The following KIF20B variants were observed in gnomAD, a reference collection of about 807,000 sequenced individuals.
KIF20B encodes the protein kinesin-like protein KIF20B.
KIF20B carries 188 observed loss-of-function variants against 232.5 expected under a neutral mutation model. That is an observed-to-expected ratio of 0.81 (90% CI 0.72 to 0.91). The LOEUF is 0.91. Among genes scored for constraint, KIF20B ranks in the 40% least tolerant of loss-of-function variants. The pLI, the probability that KIF20B is intolerant of heterozygous loss-of-function variation, is 0.00. For missense variants in KIF20B, 2,154 were observed against 2,055.9 expected (o/e 1.05, Z -0.92); for synonymous variants, 712 against 683.0 (o/e 1.04, Z -0.66).
At chr10:89,746,769 G>A (rs945308936) in intron 23 of KIF20B, among the ~76,000 whole-genome samples, 17 of 152,208 alleles carry the variant, frequency 1.1e-4, no homozygotes, top group African/African-American at 3.9e-4. Context: ...TACAAAACAG[G>A]TAGTTGCAAT....
At chr10:89,772,863 G>T in intron 32 of KIF20B, 32 bp downstream of exon 32, 1 of 1,552,556 alleles carries the variant, frequency 6.4e-7, no homozygotes, top group Non-Finnish European at 8.7e-7. Context: ...CATCAATGTA[G>T]AACTGTTCGT....
chr10:89,739,055 C>T lies in KIF20B; in HGVS notation c.3874C>T (p.Leu1292=), dbSNP rs560414206. ...AGATTATGCTGACCTGAAAGAGAAA[C>T]TGACTGATGCCAAAAAGCAGATTAA... ...EEDYADLKEK[L]TDAKKQIKQV... is the part of the protein sequence containing the mutation. Residue 1292 remains leucine, a synonymous_variant, in exon 21 of 33, where the codon CTG becomes TTG. Coordinates refer to ENST00000371728, the MANE Select transcript of KIF20B (RefSeq NM_001284259.2). 1 of 1,613,244 alleles carries T rather than the reference C, an allele frequency of 6.2e-7. No homozygotes were observed. Among genetic ancestry groups the T allele is most frequent in the East Asian group, 2.2e-5 (1 of 44,780 alleles).
chr10:89,762,831 A>T lies in KIF20B; in HGVS notation c.4985A>T (p.Glu1662Val). 6.3e-7 allele frequency: 1 copy of T among 1,599,690 alleles called. No homozygotes were observed. The highest frequency in any genetic ancestry group is 8.6e-7 in the Non-Finnish European group (1 of 1,167,302). ...KARKRKSNEM[E>V]EDLVKCENKK... ...CGGAAGAGGAAGAGTAATGAAATGG[A>T]GGAGGTAAATACTTAAGTGATGAGT... is the stretch of plus-strand genomic sequence containing the variant. Residue 1662 changes from glutamate (E) to valine (V), a missense_variant, in exon 29 of 33, where the codon GAG becomes GTG. Glu to Val is a moderately radical substitution (Grantham distance 121, BLOSUM62 -2). Transcript: ENST00000371728.
Position 89,752,590 on chromosome 10 carries a change from T to A in KIF20B, c.4246T>A (p.Cys1416Ser). The change falls in exon 25 of 33, where the codon TGC (cysteine) becomes AGC (serine). Residue 1416 changes from cysteine (C) to serine (S), a missense_variant. Transcript: ENST00000371728. ...AGAATTGGAAAAATGGAAGGAAAAA[T>A]GCAATGATTTGGAAACCAAAAACAA... ...ATELEKWKEK[C>S]NDLETKNNQR... 2 of 1,602,828 alleles carry A rather than the reference T, an allele frequency of 1.2e-6. No homozygotes were observed. The highest frequency in any genetic ancestry group is 2.2e-5 in the South Asian group (2 of 89,272).
At chr10:89,727,270 T>A (rs1035976023) in intron 16 of KIF20B, among the ~76,000 whole-genome samples, 274 of 150,834 alleles carry the variant, frequency 1.8e-3, no homozygotes, top group East Asian at 9.8e-4. Flanking sequence ...CTTTTTTTTT[T>A]AAAGACAGGG....
In KIF20B at chr10:89,774,106, C is replaced by A; in HGVS notation, c.*58C>A. 1 of 1,044,906 alleles carries A rather than the reference C, an allele frequency of 9.6e-7. No individual in the cohort carries two copies. Among genetic ancestry groups the A allele is most frequent in the Non-Finnish European group, 1.4e-6 (1 of 705,094 alleles). The allele number at this position is 1,044,906 out of a possible 1,614,324, so 64.7% of individuals were successfully genotyped here. A position where few individuals can be genotyped will look rare whatever the true frequency, so the allele number is the denominator to read the frequency against. ...TAGTCATAGTCATTGGAACTTGCAT[C>A]CTGTATTGTAAATATAAATGTATAT... On this transcript the variant is annotated 3_prime_UTR_variant, in exon 33 of 33. Transcript: ENST00000371728.
chr10:89,742,953 C>T (rs1364645110), intron 21 of KIF20B, among the ~76,000 whole-genome samples: 5 of 151,724 alleles, frequency 3.3e-5, no homozygotes, highest in East Asian at 1.9e-4. Context: ...CACTTGCCTC[C>T]GCCTCCCAGA....
chr10:89,761,250 CAAG>C (rs1420795758), intron 28 of KIF20B, among the ~76,000 whole-genome samples: 1 of 152,004 alleles, frequency 6.6e-6, no homozygotes, highest in African/African-American at 2.4e-5. Context: ...TTGTCATCCT[CAAG>C]GAGTGAAGAA....
At chr10:89,746,315 C>T (rs1034110955) in intron 23 of KIF20B, among the ~76,000 whole-genome samples, 2 of 152,184 alleles carry the variant, frequency 1.3e-5, no homozygotes, top group Non-Finnish European at 2.9e-5. Context: ...TCGGATCACA[C>T]ATGGGCGTGT....
intron 21 of KIF20B, among the ~76,000 whole-genome samples, chr10:89,741,975 T>C (rs1252348044): frequency 6.6e-6 from 1 of 152,200 alleles, no homozygotes; most frequent in African/African-American, 2.4e-5. Context: ...GTAGTGATGC[T>C]GGCAATTCAG....
rs1841901900 is a variant in KIF20B, at chr10:89,745,973, T to C, written c.4096+14T>C. Reference sequence around the variant, plus strand: ...GAGCATGCAAAGGTCAGGAACAAGTTTGTACTTCTGGAACCAGAAAAGTTC... The same window carrying C: ...GAGCATGCAAAGGTCAGGAACAAGTCTGTACTTCTGGAACCAGAAAAGTTC... On this transcript the variant is annotated intron_variant, in intron 23 of 32. Transcript: ENST00000371728. 3 of 1,602,250 alleles carry C rather than the reference T, an allele frequency of 1.9e-6. No homozygotes were observed. Among genetic ancestry groups the C allele is most frequent in the Non-Finnish European group, 2.6e-6 (3 of 1,169,342 alleles).
intron 31 of KIF20B, among the ~76,000 whole-genome samples, chr10:89,769,568 A>G (rs1842428119): frequency 6.6e-6 from 1 of 151,982 alleles, no homozygotes; most frequent in Admixed American, 6.6e-5. Context: ...TCAAAAACAC[A>G]TTATTTTCAT....
rs766725715 is a variant in KIF20B, at chr10:89,716,565, T to C, written c.1052+18T>C. ...AGTAGAAGGTAAAGAATAAACTCTG[T>C]AAGAGTAAACTCGAATCACCGATAG... On this transcript the variant is annotated intron_variant, in intron 9 of 32. Coordinates refer to ENST00000371728, the MANE Select transcript of KIF20B (RefSeq NM_001284259.2). 2.5e-6 allele frequency: 3 copies of C among 1,203,828 alleles called. No homozygotes were observed. Among genetic ancestry groups the C allele is most frequent in the African/African-American group, 3.1e-5 (2 of 65,460 alleles). The allele number at this position is 1,203,828 out of a possible 1,614,324, so 74.6% of individuals were successfully genotyped here.
At chr10:89,758,585 A>T (rs2085254029) in intron 26 of KIF20B, 121 bp from the exon 27 acceptor site, 1 of 569,198 alleles carries the variant, frequency 1.8e-6, no homozygotes, top group African/African-American at 1.9e-5. Flanking sequence ...TAGACTACTT[A>T]ATTTGTCTTG....
At chr10:89,756,334 T>TA (rs1349910326) in intron 26 of KIF20B, among the ~76,000 whole-genome samples, 1 of 152,174 alleles carries the variant, frequency 6.6e-6, no homozygotes, top group African/African-American at 2.4e-5. Flanking sequence ...AGGCAATAAG[T>TA]AAAATCAAAA....
intron 31 of KIF20B, among the ~76,000 whole-genome samples, chr10:89,771,220 T>C (rs1842454075): frequency 6.6e-6 from 1 of 152,080 alleles, no homozygotes; most frequent in Non-Finnish European, 1.5e-5. Context: ...TTAATCTTTA[T>C]TATTCAATCC....
chr10:89,720,696 GTATTTATT>G (rs199703297), intron 13 of KIF20B, among the ~76,000 whole-genome samples: 7 of 151,642 alleles, frequency 4.6e-5, no homozygotes, highest in Non-Finnish European at 8.8e-5. Context: ...TCCAATTATA[GTATTTATT>G]TATTTATTTA....
At position 89,737,060 on chromosome 10, in the gene KIF20B, A is replaced by G. The variant is rs577405225; in HGVS notation, c.2546-327A>G. Among the ~76,000 whole-genome samples, 15 of 152,224 alleles carry G rather than the reference A, an allele frequency of 9.9e-5. No homozygotes were observed. The South Asian group carries it at 2.5e-3, about 25-fold the overall frequency. ...CTCTGTCCCATATTGAAATGACAAT[A>G]AAGATTTGTGGTACAAAATTTAAAT... On this transcript the variant is annotated intron_variant, in intron 19 of 32. Coordinates refer to ENST00000371728, the MANE Select transcript of KIF20B (RefSeq NM_001284259.2).
intron 12 of KIF20B, 123 bp from the exon 13 acceptor site, chr10:89,719,292 ATGTT>A (rs1168321637): frequency 9.3e-6 from 6 of 645,822 alleles, no homozygotes; most frequent in Non-Finnish European, 1.5e-5. Flanking sequence ...TCCTGTTTGT[ATGTT>A]TGTTTGAATA....
Sources: allele counts gnomAD v4.1 joint callset (sites outside exome capture counted in the v4.1 genomes callset), GRCh38; gene constraint gnomAD v4.1.1; transcripts MANE v1.5; gene names NCBI Gene and HGNC (gene_info 2026-07-23, HGNC 2026-07-21).